ANKRD11: variants seen among roughly 807,000 people sequenced by gnomAD.
ANKRD11 encodes ankyrin repeat domain 11.
ANKRD11 carries 17 observed loss-of-function variants against 195.7 expected under a neutral mutation model. That is an observed-to-expected ratio of 0.09 (90% confidence interval 0.06 to 0.13). The LOEUF (loss-of-function observed/expected upper bound fraction) is 0.13. ANKRD11 is among the 10% of genes least tolerant of loss of function. ANKRD11 has a pLI of 1.00. For missense variants in ANKRD11, 3,735 were observed against 3,566.1 expected, an observed-to-expected ratio of 1.05 and a Z score of -1.21; for synonymous variants, 1,953 against 1,528.1, an observed-to-expected ratio of 1.28 and a Z score of -6.49.
chr16:89,278,356 G>A, intron 9 of ANKRD11: 1 of 362,440 alleles, frequency 2.8e-6, no homozygotes, highest in South Asian at 2.0e-5. Flanking sequence ...CCAGGGCAGA[G>A]AGTGCACAGG....
intron 2 of ANKRD11, among the ~76,000 whole-genome samples, chr16:89,319,713 G>A (rs1302857117): frequency 6.6e-6 from 1 of 152,250 alleles, no homozygotes; most frequent in Non-Finnish European, 1.5e-5. Flanking sequence ...TGTGGATGAA[G>A]CTGGTTTGGA....
intron 2 of ANKRD11, among the ~76,000 whole-genome samples, chr16:89,409,436 G>A (rs2042033227): frequency 1.3e-5 from 2 of 152,176 alleles, no homozygotes; most frequent in African/African-American, 4.8e-5. Flanking sequence ...TTTCCTGTGG[G>A]TCGTCTTGTG....
chr16:89,349,134 TAAAAAAA>T (rs59621400), intron 2 of ANKRD11, among the ~76,000 whole-genome samples: 23 of 16,578 alleles, frequency 1.4e-3, no homozygotes, highest in South Asian at 7.2e-3. Flanking sequence ...TCTCAAAAAG[TAAAAAAA>T]AAAAAAAAAA....
At chr16:89,418,765 CCTT>C in intron 1 of ANKRD11, among the ~76,000 whole-genome samples, 1 of 150,910 alleles carries the variant, frequency 6.6e-6, no homozygotes, top group South Asian at 2.1e-4. Context: ...TTTTAAAAGG[CCTT>C]TTTTTTTTTT....
At chr16:89,443,074 C>A (rs2043599816) in intron 1 of ANKRD11, among the ~76,000 whole-genome samples, 3 of 152,162 alleles carry the variant, frequency 2.0e-5, no homozygotes, top group Non-Finnish European at 4.4e-5. Context: ...CTCACTGCGA[C>A]CTCTGCCTCC....
At chr16:89,397,566 C>A (rs924427833) in intron 2 of ANKRD11, among the ~76,000 whole-genome samples, 16 of 152,330 alleles carry the variant, frequency 1.1e-4, no homozygotes, top group African/African-American at 3.8e-4. Context: ...CAAGTGGATC[C>A]CTGGCTGCAG....
intron 1 of ANKRD11, among the ~76,000 whole-genome samples, chr16:89,461,900 C>G (rs1261040241): frequency 1.3e-5 from 2 of 152,154 alleles, no homozygotes; most frequent in Non-Finnish European, 1.5e-5. Flanking sequence ...GCCCTCTCCC[C>G]TCCTCTGGCA....
chr16:89,447,191 AC>A (rs2043831483), intron 1 of ANKRD11, among the ~76,000 whole-genome samples: 1 of 152,048 alleles, frequency 6.6e-6, no homozygotes, highest in Non-Finnish European at 1.5e-5. Context: ...CATATTTGCA[AC>A]CCATTAGTAC....
Position 89,279,721 on chromosome 16 carries a change from G to T in ANKRD11, c.6821C>A (p.Pro2274His), listed in dbSNP as rs1325611711. The T allele has an allele frequency of 6.5e-7, 1 of 1,535,238 alleles. No individual in the cohort carries two copies. The highest frequency in any genetic ancestry group is 8.7e-7 in the Non-Finnish European group (1 of 1,146,048). Residue 2274 changes from proline to histidine, a missense_variant, in exon 9 of 13, where the codon CCC becomes CAC. Pro to His is a moderately conservative substitution (Grantham distance 77). Transcript: ENST00000301030. This position sits in a 1 kb window ranked among gnomAD's most constrained non-coding sequence, Gnocchi z 5.6. Reference sequence around the variant, plus strand: ...AGCTTGTGCCACAGTGTTCGGGGCGGGGCCGTCAGGGGCACAGAGGGACGC... The same window carrying T: ...AGCTTGTGCCACAGTGTTCGGGGCGTGGCCGTCAGGGGCACAGAGGGACGC... ...PAASLCAPDG[P>H]APNTVAQAQA...
intron 4 of ANKRD11, among the ~76,000 whole-genome samples, chr16:89,293,146 ACATT>A (rs2151806563): frequency 6.6e-6 from 1 of 152,272 alleles, no homozygotes; most frequent in East Asian, 1.9e-4. Context: ...CTAGCCACGC[ACATT>A]CAGAGGCCTG....
chr16:89,301,441 C>T (rs1414597756), intron 4 of ANKRD11: 8 of 396,848 alleles, frequency 2.0e-5, no homozygotes, highest in Non-Finnish European at 3.5e-5. Flanking sequence ...AAAGCAGATA[C>T]AAGAGGCCCC....
At chr16:89,480,683 C>A (rs1361276819) in intron 1 of ANKRD11, among the ~76,000 whole-genome samples, 2 of 152,060 alleles carry the variant, frequency 1.3e-5, no homozygotes, top group African/African-American at 4.8e-5. Context: ...AAATCTCTAA[C>A]CCCCTTCTGT....
At chr16:89,445,268 A>G (rs1380584532) in intron 1 of ANKRD11, among the ~76,000 whole-genome samples, 1 of 152,228 alleles carries the variant, frequency 6.6e-6, no homozygotes, top group Non-Finnish European at 1.5e-5. Context: ...GAAGGGGAGC[A>G]AGCTGTTTTC....
At chr16:89,459,748 G>T (rs752672401) in intron 1 of ANKRD11, among the ~76,000 whole-genome samples, 3 of 152,024 alleles carry the variant, frequency 2.0e-5, no homozygotes, top group Non-Finnish European at 4.4e-5. Flanking sequence ...TTCTTGAGGC[G>T]TCTGAGACCA....
At position 89,403,313 on chromosome 16, in the gene ANKRD11, C is replaced by G. The variant is rs554654710; in HGVS notation, c.-60+14971G>C. Among the ~76,000 whole-genome samples the G allele has an allele frequency of 3.3e-5, 5 of 152,310 alleles. No individual in the cohort carries two copies. In the South Asian group the frequency reaches 6.2e-4, roughly 19 times the overall value. ...GCAATCCTGTGTGGCCTGCTCCCCC[C>G]TCCTGACCGGCCCCTCCTGACTGGC... is the stretch of plus-strand genomic sequence containing the variant. On this transcript the variant is annotated intron_variant, in intron 2 of 12. Transcript: ENST00000301030.
chr16:89,270,637 G>A (rs966753097), intron 12 of ANKRD11, 180 bp downstream of exon 12: 15 of 678,928 alleles, frequency 2.2e-5, no homozygotes, highest in Non-Finnish European at 3.7e-5. Context: ...CACACGCAGG[G>A]ACAGGACCTC....
intron 2 of ANKRD11, chr16:89,324,946 G>A (rs151278449): frequency 3.8e-5 from 7 of 184,244 alleles, no homozygotes; most frequent in African/African-American, 1.7e-4. Context: ...TGTCCCTCTA[G>A]AGAACCCTGA....
At chr16:89,270,792 A>T in intron 12 of ANKRD11, 25 bp downstream of exon 12, 1 of 1,608,250 alleles carries the variant, frequency 6.2e-7, no homozygotes, top group Non-Finnish European at 8.5e-7. Context: ...CCCCAGGCAG[A>T]ACTGAGGGGA....
chr16:89,393,314 ATT>A (rs573197657), intron 2 of ANKRD11, among the ~76,000 whole-genome samples: 116 of 139,306 alleles, frequency 8.3e-4, no homozygotes, highest in African/African-American at 2.8e-3. Context: ...TTTTATTTTT[ATT>A]TTTTTTTTTT....
Sources: gnomAD v4.1 joint callset for allele counts (sites outside exome capture counted in the v4.1 genomes callset) on GRCh38, gnomAD v4.1.1 for gene constraint, Gnocchi (gnomAD v3.1) non-coding constraint, MANE v1.5 for transcripts, NCBI Gene and HGNC (gene_info 2026-07-23, HGNC 2026-07-21) for gene names.